Variants in SLA2 observed in about 807,000 individuals in gnomAD.
SLA2 encodes the protein Src like adaptor 2, also known as src-like-adapter 2.
Under a neutral mutation model 27.3 loss-of-function variants are expected in SLA2, and 22 were observed. The observed-to-expected ratio is 0.81, with a 90% CI of 0.58 to 1.15. The LOEUF (loss-of-function observed/expected upper bound fraction) is 1.15, where lower values mean the gene tolerates loss of function less well. SLA2 is among the 50% of genes most tolerant of loss of function. The probability of loss-of-function intolerance (pLI) is 0.00; values close to 1 mark genes in which losing one functional copy is unlikely to be tolerated. For synonymous variants in SLA2, 131 were observed against 137.8 expected (o/e 0.95, Z 0.34); for missense variants, 304 against 322.2 (o/e 0.94, Z 0.43).
chr20:36,637,000 G>C (rs539275579), intron 2 of SLA2, among the ~76,000 whole-genome samples: 6 of 151,598 alleles, frequency 4.0e-5, no homozygotes, highest in South Asian at 2.1e-4. Flanking sequence ...TTACTGTAGT[G>C]GTGACAGATT....
intron 7 of SLA2, among the ~76,000 whole-genome samples, 159 bp from the exon 8 acceptor site, chr20:36,614,145 C>T (rs556648782): frequency 6.6e-6 from 1 of 152,204 alleles, no homozygotes; most frequent in Admixed American, 6.5e-5. Flanking sequence ...CCCCACCTGT[C>T]GAGCCTGGGC....
Position 36,614,450 on chromosome 20 carries a change from C to T in SLA2, c.533-13G>A, listed in dbSNP as rs766086815. 4 of 1,595,276 alleles carry T rather than the reference C, an allele frequency of 2.5e-6. No homozygotes were observed. In the Admixed American group the frequency reaches 6.9e-5, roughly 28 times the overall value. ...TCATCCGCCAGCTCTGAGGAAGAGA[C>T]CTCCATCCCTGACATGACTGACTCC... On this transcript the variant is annotated splice_polypyrimidine_tract_variant and intron_variant, in intron 6 of 7. Transcript: ENST00000262866.
At position 36,633,553 on chromosome 20, in the gene SLA2, CTT is replaced by C. The variant is rs1433934467; in HGVS notation, c.266_267del (p.Lys89SerfsTer8). The C allele has an allele frequency of 6.2e-7, 1 of 1,613,922 alleles. No homozygotes were observed. Among genetic ancestry groups the C allele is most frequent in the Non-Finnish European group, 8.5e-7 (1 of 1,179,972 alleles). On this transcript the variant is annotated frameshift_variant, in exon 4 of 8. Transcript: ENST00000262866. LOFTEE classifies it high-confidence loss of function. ...GGGGTGGGAACTCACCCATGGGAGA[CTT>C]TGGCCACGTGGACGCTGGGGATGTT... Reference protein sequence around the residue: ...EYNIPSVHVAKVSHGWLYEGL... With the variant: ...EYNIPSVHVAXVSHGWLYEGL...
intron 5 of SLA2, among the ~76,000 whole-genome samples, chr20:36,615,587 G>A (rs189421852): frequency 1.3e-5 from 2 of 152,172 alleles, no homozygotes; most frequent in Non-Finnish European, 2.9e-5. Context: ...ATCACACACA[G>A]AGCCCTCAGT....
chr20:36,615,363 G>A lies in SLA2; in HGVS notation c.394C>T (p.Leu132=), dbSNP rs962301018. ...GCAGGGCGGCTGAGGCGGACTGACA[G>A]AGAGTAAGAGCCTGAGGAGAAAGGG... ...ESQTRRGSYS[L]SVRLSRPASW... Residue 132 remains leucine, a synonymous_variant, in exon 6 of 8, where the codon CTG becomes TTG. Transcript: ENST00000262866. The A allele has an allele frequency of 6.2e-7, 1 of 1,613,778 alleles. No homozygotes were observed. Among genetic ancestry groups the A allele is most frequent in the African/African-American group, 1.3e-5 (1 of 75,044 alleles).
intron 5 of SLA2, among the ~76,000 whole-genome samples, chr20:36,626,716 C>T (rs555746992): frequency 2.6e-5 from 4 of 151,626 alleles, no homozygotes; most frequent in African/African-American, 2.4e-5. Flanking sequence ...TGGTGGCAGC[C>T]GCCTGTGGTC....
At chr20:36,617,795 T>G (rs1238326917) in intron 5 of SLA2, among the ~76,000 whole-genome samples, 2 of 149,552 alleles carry the variant, frequency 1.3e-5, no homozygotes, top group Non-Finnish European at 3.0e-5. Flanking sequence ...AGGCAGAGGT[T>G]GCAGTGAGCC....
chr20:36,635,185 C>T (rs1175702963), intron 2 of SLA2, among the ~76,000 whole-genome samples: 1 of 151,398 alleles, frequency 6.6e-6, no homozygotes, highest in Non-Finnish European at 1.5e-5. Flanking sequence ...ACCAGACTCC[C>T]TATGACCGCC....
intron 1 of SLA2, among the ~76,000 whole-genome samples, chr20:36,644,344 C>T (rs1978285986): frequency 6.6e-6 from 1 of 152,172 alleles, no homozygotes. Context: ...TCAGGCAAAG[C>T]ATGCAAGCTT....
chr20:36,636,076 C>T (rs1600830406), intron 2 of SLA2, among the ~76,000 whole-genome samples: 1 of 152,030 alleles, frequency 6.6e-6, no homozygotes, highest in Non-Finnish European at 1.5e-5. Flanking sequence ...TTGTCCACTC[C>T]TGTGTCCCCA....
chr20:36,614,867 A>G (rs544739325), intron 6 of SLA2: 4 of 985,398 alleles, frequency 4.1e-6, no homozygotes, highest in South Asian at 9.4e-5. Flanking sequence ...GTTGAAGGAC[A>G]GGCACCAGGA....
Position 36,634,575 on chromosome 20 carries a change from T to C in SLA2, c.106A>G (p.Thr36Ala). 6.2e-7 allele frequency: 1 copy of C among 1,606,138 alleles called. No individual in the cohort carries two copies. The highest frequency in any genetic ancestry group is 8.5e-7 in the Non-Finnish European group (1 of 1,175,018). ...GGGAAACTGCCCAGGGCCACGGCTG[T>C]GGCCTTGCTTCTCTCTAGATGGAGG... ...VTMEAERSKA[T>A]AVALGSFPAG... The change falls in exon 3 of 8, where the codon ACA becomes GCA. Residue 36 changes from threonine (T) to alanine (A), a missense_variant. Coordinates refer to ENST00000262866, the MANE Select transcript of SLA2 (RefSeq NM_032214.4).
chr20:36,644,374 C>A (rs1978286005), intron 1 of SLA2, among the ~76,000 whole-genome samples: 1 of 152,184 alleles, frequency 6.6e-6, no homozygotes, highest in East Asian at 1.9e-4. Flanking sequence ...CATCTGTGAA[C>A]AAGGTGCACT....
chr20:36,618,200 A>G (rs1158934317), intron 5 of SLA2, among the ~76,000 whole-genome samples: 2 of 152,128 alleles, frequency 1.3e-5, no homozygotes, highest in Non-Finnish European at 2.9e-5. Flanking sequence ...TATATCATGC[A>G]GACAACCATA....
Position 36,614,432 on chromosome 20 carries a change from C to T in SLA2, c.538G>A (p.Ala180Thr), listed in dbSNP as rs1310035466. The T allele has an allele frequency of 6.2e-7, 1 of 1,607,260 alleles. No homozygotes were observed. Among genetic ancestry groups the T allele is most frequent in the East Asian group, 2.2e-5 (1 of 44,794 alleles). ...TTGAGTAGGCAGCAGATGTCATCCG[C>T]CAGCTCTGAGGAAGAGACCTCCATC... Reference protein sequence around the residue: ...QALVDHYSELADDICCLLKEP... With the variant: ...QALVDHYSELTDDICCLLKEP... Residue 180 changes from alanine (A) to threonine (T), a missense_variant, in exon 7 of 8, where the codon GCG becomes ACG. Ala to Thr is a moderately conservative substitution (Grantham distance 58). Transcript: ENST00000262866.
chr20:36,635,429 G>A (rs571632625), intron 2 of SLA2, among the ~76,000 whole-genome samples: 1 of 151,240 alleles, frequency 6.6e-6, no homozygotes, highest in Admixed American at 6.7e-5. Flanking sequence ...ATGGAGCTGG[G>A]ACCCCAGGAA....
chr20:36,613,261 G>A lies in SLA2; in HGVS notation c.*605C>T, dbSNP rs1340207415. On this transcript the variant is annotated 3_prime_UTR_variant, in exon 8 of 8. Transcript: ENST00000262866. ...GCTGGGGCTGTTGTCCTCAATGGGG[G>A]ACATTTGAGGACCTAGACTGTCCGA... 6.6e-6 allele frequency: 1 copy of A among 152,326 alleles called. No individual in the cohort carries two copies. The highest frequency in any genetic ancestry group is 1.5e-5 in the Non-Finnish European group (1 of 68,150). 9.4% of individuals were successfully genotyped at this position (152,326 alleles called of 1,614,324 possible).
At position 36,636,623 on chromosome 20, in the gene SLA2, A is replaced by ATAT. The variant is rs1555793206; in HGVS notation, c.92-2035_92-2034insATA. Among the ~76,000 whole-genome samples the ATAT allele has an allele frequency of 2.4e-3, 277 of 114,654 alleles. 2 individuals carry two copies. Among genetic ancestry groups the ATAT allele is most frequent in the African/African-American group, 8.8e-3 (220 of 25,102 alleles). 75.2% of individuals were successfully genotyped at this position (114,654 alleles called of 152,430 possible). A position where few individuals can be genotyped will look rare whatever the true frequency, so the allele number is the denominator to read the frequency against. ...TCCATCTCAAAAAGAAAAAAAAAAA[A>ATAT]ATATATATATATATATATATATATA... On this transcript the variant is annotated intron_variant, in intron 2 of 7. Coordinates refer to ENST00000262866, the MANE Select transcript of SLA2 (RefSeq NM_032214.4).
chr20:36,644,868 GTTTTT>G lies in SLA2; in HGVS notation c.-44+964_-44+968del, dbSNP rs3066378. Among the ~76,000 whole-genome samples, 9 of 80,648 alleles carry G rather than the reference GTTTTT, an allele frequency of 1.1e-4. No homozygotes were observed. In the South Asian group the frequency reaches 2.7e-3, roughly 24 times the overall value. 52.9% of individuals were successfully genotyped at this position (80,648 alleles called of 152,430 possible). A position where few individuals can be genotyped will look rare whatever the true frequency, so the allele number is the denominator to read the frequency against. The stretch of plus-strand genomic sequence containing the variant: ...ATGAGCACGCTGCCCAGAATATTGT[GTTTTT>G]TTTTTTTTTTTTTTTTTCAGTATCT... On this transcript the variant is annotated intron_variant, in intron 1 of 7. Coordinates refer to ENST00000262866, the MANE Select transcript of SLA2 (RefSeq NM_032214.4).
Sources: gnomAD v4.1 joint callset for allele counts (sites outside exome capture counted in the v4.1 genomes callset) on GRCh38, gnomAD v4.1.1 for gene constraint, MANE v1.5 for transcripts, NCBI Gene and HGNC (gene_info 2026-07-23, HGNC 2026-07-21) for gene names.